SNX30: variants seen among roughly 807,000 people sequenced by gnomAD.
SNX30 encodes the protein sorting nexin-30.
SNX30 carries 24 observed loss-of-function variants against 46.4 expected under a neutral mutation model. That is an observed-to-expected ratio of 0.52 (90% CI 0.37 to 0.73). SNX30 has a LOEUF of 0.73. Among genes scored for constraint, SNX30 ranks in the 30% least tolerant of loss-of-function variants. SNX30 has a pLI of 0.00. For missense variants in SNX30, 533 were observed against 555.7 expected, an observed-to-expected ratio of 0.96 and a Z score of 0.41; for synonymous variants, 189 against 211.5, an observed-to-expected ratio of 0.89 and a Z score of 0.92.
At chr9:112,836,002 G>A (rs1037534331) in intron 4 of SNX30, among the ~76,000 whole-genome samples, 4 of 152,196 alleles carry the variant, frequency 2.6e-5, no homozygotes, top group African/African-American at 7.2e-5. Flanking sequence ...TCTGCTGAAA[G>A]GGATTTAAGT....
At position 112,870,150 on chromosome 9, in the gene SNX30, C is replaced by G. The variant is rs1841423025; in HGVS notation, c.*1307C>G. 1 of 152,042 alleles carries G rather than the reference C, an allele frequency of 6.6e-6. No individual in the cohort carries two copies. The allele number at this position is 152,042 out of a possible 1,614,324, so 9.4% of individuals were successfully genotyped here. ...TTCAGATCACAAAGCAAACAGTCACCAAGGATCTGTCTTCCAACTCTTTTT... is the reference window on the plus strand; with the variant it reads ...TTCAGATCACAAAGCAAACAGTCACGAAGGATCTGTCTTCCAACTCTTTTT... On this transcript the variant is annotated 3_prime_UTR_variant, in exon 9 of 9. Transcript: ENST00000374232.
At chr9:112,775,007 G>C (rs1199052627) in intron 1 of SNX30, among the ~76,000 whole-genome samples, 1 of 151,476 alleles carries the variant, frequency 6.6e-6, no homozygotes, top group African/African-American at 2.4e-5. Context: ...ACCACGCCTG[G>C]CTCATTTTTT....
chr9:112,861,313 CT>C (rs11378268), intron 7 of SNX30, among the ~76,000 whole-genome samples: 1 of 152,206 alleles, frequency 6.6e-6, no homozygotes, highest in South Asian at 2.1e-4. Context: ...TCTGCCTTCT[CT>C]TTTTGCTTTC....
At chr9:112,840,673 A>T (rs1265977084) in intron 6 of SNX30, among the ~76,000 whole-genome samples, 1 of 151,988 alleles carries the variant, frequency 6.6e-6, no homozygotes, top group Middle Eastern at 3.2e-3. Context: ...TTTAGTAGAG[A>T]CGGGGTTTCC....
downstream of SNX30, among the ~76,000 whole-genome samples, chr9:112,882,748 T>C (rs1841596630): frequency 6.6e-6 from 1 of 151,992 alleles, no homozygotes; most frequent in Admixed American, 6.5e-5. Context: ...TTTAATGAGA[T>C]CATGAGATTG....
chr9:112,832,048 C>G (rs912551543), intron 4 of SNX30, among the ~76,000 whole-genome samples: 1 of 152,124 alleles, frequency 6.6e-6, no homozygotes, highest in Non-Finnish European at 1.5e-5. Context: ...TTAAAGACTT[C>G]GGAGAGTGTG....
intron 6 of SNX30, among the ~76,000 whole-genome samples, chr9:112,842,985 C>A (rs1197283230): frequency 6.6e-6 from 1 of 152,150 alleles, no homozygotes; most frequent in Non-Finnish European, 1.5e-5. Context: ...ACAGGTGAGC[C>A]CTTACATAGG....
At chr9:112,783,173 G>A (rs1213810987) in intron 1 of SNX30, among the ~76,000 whole-genome samples, 1 of 152,210 alleles carries the variant, frequency 6.6e-6, no homozygotes. Flanking sequence ...TTCTTGTCCG[G>A]TAGGTAACTG....
At chr9:112,761,743 G>A (rs769950170) in intron 1 of SNX30, among the ~76,000 whole-genome samples, 6 of 152,226 alleles carry the variant, frequency 3.9e-5, no homozygotes, top group South Asian at 2.1e-4. Flanking sequence ...ACGTGGACAC[G>A]GTTTCAAGTC....
chr9:112,799,048 G>C (rs1380869824), intron 1 of SNX30, among the ~76,000 whole-genome samples: 1 of 20,450 alleles, frequency 4.9e-5, no homozygotes, highest in African/African-American at 1.3e-4. Context: ...CAGATGAGTA[G>C]GTTGCAAAAA....
At chr9:112,843,713 C>G (rs1360708551) in intron 6 of SNX30, among the ~76,000 whole-genome samples, 1 of 150,310 alleles carries the variant, frequency 6.7e-6, no homozygotes, top group Admixed American at 6.6e-5. Context: ...CTTCCCGCTT[C>G]AAGCGATTCT....
rs911607511 is a variant in SNX30 at position 112,869,340 on chromosome 9, G to T, written c.*497G>T. ...ACTCGTCTTGGCCTAGGAGGCATTG[G>T]TGCCTCCCTGGCAAGTCCTTAACGT... On this transcript the variant is annotated 3_prime_UTR_variant, in exon 9 of 9. Coordinates refer to ENST00000374232, the MANE Select transcript of SNX30 (RefSeq NM_001012994.2). The T allele has an allele frequency of 2.3e-5, 4 of 177,586 alleles. No individual in the cohort carries two copies. The highest frequency in any genetic ancestry group is 4.9e-5 in the Non-Finnish European group (4 of 82,232). The allele number at this position is 177,586 out of a possible 1,614,324, so 11.0% of individuals were successfully genotyped here.
At chr9:112,826,271 CA>C (rs1211739065) in intron 3 of SNX30, among the ~76,000 whole-genome samples, 1 of 152,098 alleles carries the variant, frequency 6.6e-6, no homozygotes, top group East Asian at 1.9e-4. Context: ...GGGGATAGGG[CA>C]GAGAAACCCA....
intron 3 of SNX30, among the ~76,000 whole-genome samples, chr9:112,824,930 A>G (rs1392873748): frequency 1.3e-5 from 2 of 152,206 alleles, no homozygotes; most frequent in Non-Finnish European, 2.9e-5. Flanking sequence ...CATCACCACT[A>G]TTTAATCCAG....
chr9:112,791,942 G>C lies in SNX30; in HGVS notation c.157-12834G>C, dbSNP rs536902171. Among the ~76,000 whole-genome samples the C allele has an allele frequency of 3.3e-5, 5 of 152,126 alleles. No individual in the cohort carries two copies. In the East Asian group the frequency reaches 9.6e-4, roughly 29 times the overall value. The stretch of plus-strand genomic sequence containing the variant: ...TGCTTCCCTGGAATACATTTGACTT[G>C]ATCCTGGTATATATTTTTTTTCCAA... On this transcript the variant is annotated intron_variant, in intron 1 of 8. Transcript: ENST00000374232.
At chr9:112,875,142 T>C (rs576758514), downstream of SNX30, 2 of 152,316 alleles carry the variant, frequency 1.3e-5, no homozygotes, top group South Asian at 2.1e-4. Context: ...AATTGAACTA[T>C]TTTTATTCTT....
Position 112,768,297 on chromosome 9 carries a change from C to T in SNX30, c.156+17140C>T, listed in dbSNP as rs981827270. Among the ~76,000 whole-genome samples the T allele has an allele frequency of 2.9e-4, 44 of 152,288 alleles. No homozygotes were observed. In the Middle Eastern group the frequency reaches 0.017, roughly 59 times the overall value. ...TCATCCTCCTCTCGATGTTTCCAGC[C>T]GACATCTATTGCTTTAGAACCTCGC... is the stretch of plus-strand genomic sequence containing the variant. On this transcript the variant is annotated intron_variant, in intron 1 of 8. Coordinates refer to ENST00000374232, the MANE Select transcript of SNX30 (RefSeq NM_001012994.2).
At chr9:112,806,820 C>G (rs1840232477) in intron 2 of SNX30, among the ~76,000 whole-genome samples, 1 of 152,098 alleles carries the variant, frequency 6.6e-6, no homozygotes, top group Admixed American at 6.6e-5. Flanking sequence ...TTTACATTCA[C>G]ACACATGTAT....
chr9:112,867,460 A>G (rs1841378983), intron 8 of SNX30, among the ~76,000 whole-genome samples: 1 of 148,922 alleles, frequency 6.7e-6, no homozygotes, highest in Non-Finnish European at 1.5e-5. Flanking sequence ...CTCCATCCTC[A>G]GAACTCCTCC....
Sources: gnomAD v4.1 joint callset for allele counts (sites outside exome capture counted in the v4.1 genomes callset) on GRCh38, gnomAD v4.1.1 for gene constraint, MANE v1.5 for transcripts, NCBI Gene and HGNC (gene_info 2026-07-23, HGNC 2026-07-21) for gene names.